Variants in BTD observed in about 807,000 individuals in gnomAD.
BTD encodes biotinidase.
Under a neutral mutation model 17.7 loss-of-function variants are expected in BTD, and 13 were observed. That is an observed-to-expected ratio of 0.74 (90% CI 0.48 to 1.17). The LOEUF is 1.17. Ranked by LOEUF, BTD falls within the 50% of genes most tolerant of loss-of-function variation. The pLI, the probability that BTD is intolerant of heterozygous loss-of-function variation, is 0.00. For missense variants in BTD, 674 were observed against 650.4 expected (o/e 1.04, Z -0.39); for synonymous variants, 240 against 245.2 (o/e 0.98, Z 0.20).
At chr3:15,663,846 G>C (rs748158670) in intron 3 of BTD, among the ~76,000 whole-genome samples, 1 of 151,906 alleles carries the variant, frequency 6.6e-6, no homozygotes, top group African/African-American at 2.4e-5. Flanking sequence ...GCTTACTTTG[G>C]ATTTATTTTG....
chr3:15,601,502 A>C, upstream of BTD: 1 of 1,610,166 alleles, frequency 6.2e-7, no homozygotes, highest in Non-Finnish European at 8.5e-7. Flanking sequence ...GCAGCCGGCA[A>C]ACAAGCGGAA....
chr3:15,686,564 A>T, intron 3 of BTD: 1 of 479,138 alleles, frequency 2.1e-6, no homozygotes, highest in African/African-American at 2.0e-5. Flanking sequence ...ATCTGCCTCT[A>T]AAAGAATGCT....
exon 4 of BTD, chr3:15,712,200 G>A (rs1276304780): frequency 1.9e-6 from 3 of 1,584,650 alleles, no homozygotes; most frequent in South Asian, 1.2e-5. Context: ...AAATGGAGGG[G>A]GAACATTCCA....
At chr3:15,660,460 A>G (rs1031600681) in intron 3 of BTD, among the ~76,000 whole-genome samples, 1 of 152,178 alleles carries the variant, frequency 6.6e-6, no homozygotes, top group Non-Finnish European at 1.5e-5. Flanking sequence ...TTTTCATTTC[A>G]TTTGAATCCA....
chr3:15,671,137 T>C (rs1215307870), intron 3 of BTD, among the ~76,000 whole-genome samples: 1 of 152,174 alleles, frequency 6.6e-6, no homozygotes, highest in African/African-American at 2.4e-5. Flanking sequence ...AGAAAAACAG[T>C]AGACAAACTA....
chr3:15,650,750 T>C lies in BTD; in HGVS notation c.*5262T>C, dbSNP rs1187042539. Among the ~76,000 whole-genome samples the C allele has an allele frequency of 6.6e-6, 1 of 152,092 alleles. No homozygotes were observed. ...AGGGCACGTGCCCATCCTGAATCAA[T>C]GATCGGCCAGAGAGCTGTGATATTC... On this transcript the variant is annotated 3_prime_UTR_variant, in exon 4 of 4. Coordinates refer to ENST00000643237, the MANE Select transcript of BTD (RefSeq NM_001370658.1).
chr3:15,640,566 T>C (rs2065469243), intron 2 of BTD, among the ~76,000 whole-genome samples: 1 of 152,064 alleles, frequency 6.6e-6, no homozygotes, highest in African/African-American at 2.4e-5. Flanking sequence ...AATTTTTGTA[T>C]TTTTAGTAGA....
At chr3:15,677,346 T>G in intron 3 of BTD, 1 of 667,296 alleles carries the variant, frequency 1.5e-6, no homozygotes, top group Non-Finnish European at 2.5e-6. Flanking sequence ...TAAGTCAATT[T>G]TGTTCAAGAA....
At chr3:15,612,597 CCTTT>C (rs1361558962) in intron 1 of BTD, among the ~76,000 whole-genome samples, 23 of 151,874 alleles carry the variant, frequency 1.5e-4, no homozygotes, top group African/African-American at 5.6e-4. Flanking sequence ...ATGTTCTGTT[CCTTT>C]CTTTCTTGAG....
At chr3:15,630,118 G>T in intron 1 of BTD, 1 of 983,450 alleles carries the variant, frequency 1.0e-6, no homozygotes, top group Non-Finnish European at 1.2e-6. Context: ...TCGTGGGAGT[G>T]TGGTGAGTAA....
chr3:15,668,855 A>G (rs905057086), intron 3 of BTD: 6 of 152,670 alleles, frequency 3.9e-5, no homozygotes, highest in Non-Finnish European at 7.3e-5. Flanking sequence ...TACAAAAAGG[A>G]TAAAATGAAA....
chr3:15,640,619 G>A (rs1181128291), intron 2 of BTD, among the ~76,000 whole-genome samples: 3 of 152,058 alleles, frequency 2.0e-5, no homozygotes, highest in Non-Finnish European at 4.4e-5. Context: ...TTGAACTCCT[G>A]AGCTCAGGTG....
chr3:15,612,086 T>A (rs2064653852), intron 1 of BTD, among the ~76,000 whole-genome samples: 1 of 152,198 alleles, frequency 6.6e-6, no homozygotes, highest in East Asian at 1.9e-4. Flanking sequence ...CCTTTTGCTT[T>A]CTTGAGCATG....
chr3:15,700,664 C>T (rs1161452072), intron 3 of BTD, among the ~76,000 whole-genome samples: 1 of 152,002 alleles, frequency 6.6e-6, no homozygotes, highest in Non-Finnish European at 1.5e-5. Flanking sequence ...GTCCCAGCTA[C>T]TCGGGAGGCT....
upstream of BTD, chr3:15,601,459 G>C: frequency 1.2e-6 from 2 of 1,613,046 alleles, no homozygotes. Flanking sequence ...GTTACTGTCC[G>C]GCATCTTCCA....
In BTD at chr3:15,649,756, A is replaced by G. The variant is rs1384492746; in HGVS notation, c.*4268A>G. Among the ~76,000 whole-genome samples, 1 of 152,058 alleles carries G rather than the reference A, an allele frequency of 6.6e-6. No individual in the cohort carries two copies. The highest frequency in any genetic ancestry group is 1.5e-5 in the Non-Finnish European group (1 of 67,992). ...TCTCATCACAGCTTGTGACTCTTCC[A>G]CTTTTTGAACTGGTGTTTCCCATTC... On this transcript the variant is annotated 3_prime_UTR_variant, in exon 4 of 4. Transcript: ENST00000643237.
intron 1 of BTD, chr3:15,631,476 A>G: frequency 6.5e-7 from 1 of 1,535,138 alleles, no homozygotes; most frequent in Non-Finnish European, 8.7e-7. Context: ...GCTAATTATT[A>G]AGATGAATCA....
rs749241080 is a variant in BTD, at chr3:15,645,359, C to T, written c.1443C>T (p.Thr481=). ...CCTATATCTTTCCTTTGTTTCTGAC[C>T]TCAGGGATGACCCTAGAAGTCCCTG... The part of the protein sequence containing the change: ...STSYIFPLFL[T]SGMTLEVPDQ... Residue 481 remains threonine, a synonymous_variant, in exon 4 of 4, where the codon ACC becomes ACT. Transcript: ENST00000643237. 2.5e-6 allele frequency: 4 copies of T among 1,614,192 alleles called. No homozygotes were observed. The highest frequency in any genetic ancestry group is 3.4e-6 in the Non-Finnish European group (4 of 1,180,048).
intron 3 of BTD, among the ~76,000 whole-genome samples, chr3:15,687,946 A>G (rs1378648970): frequency 6.6e-6 from 1 of 152,162 alleles, no homozygotes; most frequent in African/African-American, 2.4e-5. Context: ...AGGAAAAAAA[A>G]CCCTCAGTGT....
Sources: allele counts gnomAD v4.1 joint callset (sites outside exome capture counted in the v4.1 genomes callset), GRCh38; gene constraint gnomAD v4.1.1; transcripts MANE v1.5; gene names NCBI Gene and HGNC (gene_info 2026-07-23, HGNC 2026-07-21).